LGSN: variants seen among roughly 807,000 people sequenced by gnomAD.
LGSN encodes lengsin.
A neutral mutation model predicts 19.5 loss-of-function variants in LGSN; 21 were observed. That is an observed-to-expected ratio of 1.07 (90% CI 0.76 to 1.55). The LOEUF is 1.55. LGSN is among the 40% of genes most tolerant of loss of function. The probability of loss-of-function intolerance (pLI) is 0.00; values close to 1 mark genes in which losing one functional copy is unlikely to be tolerated. For synonymous variants in LGSN, 257 were observed against 215.6 expected (o/e 1.19, Z -1.68); for missense variants, 673 against 608.5 (o/e 1.11, Z -1.12).
At chr6:63,297,070 G>A (rs1470423503) in intron 1 of LGSN, among the ~76,000 whole-genome samples, 4 of 151,962 alleles carry the variant, frequency 2.6e-5, no homozygotes, top group East Asian at 1.9e-4. Context: ...GACCAGGCGC[G>A]GTGGCTCACA....
chr6:63,430,738 GTCCAACAAATACATATA>G, the LGSN span, among the ~76,000 whole-genome samples: 1 of 152,116 alleles, frequency 6.6e-6, no homozygotes, highest in Admixed American at 6.6e-5. Flanking sequence ...CCTGCCAAGA[GTCCAACAAATACATATA>G]GAATTTTAAA....
chr6:63,512,203 C>T, the LGSN span, among the ~76,000 whole-genome samples: 1 of 152,110 alleles, frequency 6.6e-6, no homozygotes. Context: ...CTGCCTCAGC[C>T]TCCCGAGTAG....
intron 1 of LGSN, among the ~76,000 whole-genome samples, chr6:63,311,243 G>A (rs1208293349): frequency 1.3e-5 from 2 of 152,246 alleles, no homozygotes; most frequent in African/African-American, 2.4e-5. Context: ...CAATTGATCT[G>A]GGTACAATGG....
At chr6:63,362,098 T>C in the LGSN span, among the ~76,000 whole-genome samples, 1 of 152,212 alleles carries the variant, frequency 6.6e-6, no homozygotes, top group Non-Finnish European at 1.5e-5. Flanking sequence ...CTGTCATCAC[T>C]TATGATAACA....
chr6:63,550,486 A>G, the LGSN span: 2 of 152,246 alleles, frequency 1.3e-5, no homozygotes, highest in Non-Finnish European at 2.9e-5. Context: ...ACCCTGCTAC[A>G]GAGAGGGGTG....
At chr6:63,547,179 AG>A in the LGSN span, among the ~76,000 whole-genome samples, 3 of 149,478 alleles carry the variant, frequency 2.0e-5, no homozygotes, top group South Asian at 2.1e-4. Flanking sequence ...ACAGGCTAGT[AG>A]GGGGGAATTT....
chr6:63,509,210 G>T, the LGSN span, among the ~76,000 whole-genome samples: 23 of 151,520 alleles, frequency 1.5e-4, no homozygotes, highest in African/African-American at 5.6e-4. Flanking sequence ...GATTACAGGC[G>T]CACACCACCA....
At chr6:63,337,161 G>T in the LGSN span, among the ~76,000 whole-genome samples, 1 of 150,018 alleles carries the variant, frequency 6.7e-6, no homozygotes, top group African/African-American at 2.5e-5. Context: ...CTGACCTCTT[G>T]ATCTGCCCGC....
chr6:63,358,730 G>A, the LGSN span, among the ~76,000 whole-genome samples: 15 of 152,140 alleles, frequency 9.9e-5, no homozygotes, highest in Non-Finnish European at 1.5e-4. Context: ...AGGAGATTTT[G>A]GGCTGAGACA....
At chr6:63,551,398 A>C in the LGSN span, among the ~76,000 whole-genome samples, 2 of 152,206 alleles carry the variant, frequency 1.3e-5, no homozygotes, top group African/African-American at 4.8e-5. Context: ...ACAACAAAAA[A>C]TAGAAAATAG....
At chr6:63,381,913 A>G in the LGSN span, among the ~76,000 whole-genome samples, 9 of 152,238 alleles carry the variant, frequency 5.9e-5, no homozygotes, top group Non-Finnish European at 4.4e-5. Flanking sequence ...AAGGGATAAT[A>G]TTGTTTTTTT....
chr6:63,400,000 T>C, the LGSN span, among the ~76,000 whole-genome samples: 2 of 152,220 alleles, frequency 1.3e-5, no homozygotes, highest in African/African-American at 2.4e-5. Flanking sequence ...TTTCTTGTTC[T>C]TAACCTAGAC....
At chr6:63,507,367 C>G in the LGSN span, among the ~76,000 whole-genome samples, 3 of 152,134 alleles carry the variant, frequency 2.0e-5, no homozygotes, top group Non-Finnish European at 4.4e-5. Flanking sequence ...GACAGATGAC[C>G]TGAAAGTTTG....
chr6:63,474,816 G>C, the LGSN span, among the ~76,000 whole-genome samples: 2 of 149,294 alleles, frequency 1.3e-5, no homozygotes, highest in Non-Finnish European at 3.0e-5. Context: ...CCAGCTACTT[G>C]AGAGGTGGAG....
chr6:63,347,618 G>A, the LGSN span, among the ~76,000 whole-genome samples: 4 of 152,060 alleles, frequency 2.6e-5, no homozygotes, highest in South Asian at 4.1e-4. Context: ...TGCTTAAAAG[G>A]CTAGAGAGGT....
At chr6:63,370,964 T>C in the LGSN span, among the ~76,000 whole-genome samples, 2 of 152,330 alleles carry the variant, frequency 1.3e-5, no homozygotes, top group South Asian at 4.1e-4. Context: ...TTGTGAAACG[T>C]AGATTTTTAT....
At chr6:63,568,450 G>C in the LGSN span, among the ~76,000 whole-genome samples, 2 of 152,172 alleles carry the variant, frequency 1.3e-5, no homozygotes, top group South Asian at 4.1e-4. Context: ...AATGGGTACA[G>C]TTTGTGGTGG....
the LGSN span, chr6:63,572,528 G>A: frequency 2.6e-6 from 1 of 391,084 alleles, no homozygotes; most frequent in East Asian, 3.6e-5. Context: ...GCTCGGCTAC[G>A]CGCTCTGCTC....
intron 3 of LGSN, 84 bp from the exon 4 acceptor site, chr6:63,281,304 AATATATATAT>A (rs1223943140): frequency 2.9e-5 from 4 of 135,800 alleles, no homozygotes; most frequent in African/African-American, 6.6e-5. Flanking sequence ...TGCTAATGAA[AATATATATAT>A]ATATATATAT....
Sources: gnomAD v4.1 joint callset for allele counts (sites outside exome capture counted in the v4.1 genomes callset) on GRCh38, gnomAD v4.1.1 for gene constraint, MANE v1.5 for transcripts, NCBI Gene and HGNC (gene_info 2026-07-23, HGNC 2026-07-21) for gene names.